The following CARS2 variants were observed in gnomAD, a reference collection of about 807,000 sequenced individuals.
CARS2 encodes the protein cysteinyl-tRNA synthetase 2, mitochondrial.
CARS2 carries 52 observed loss-of-function variants against 68.8 expected under a neutral mutation model. That is an observed-to-expected ratio of 0.76 (90% CI 0.61 to 0.95). CARS2 has a LOEUF of 0.95. Ranked by LOEUF, CARS2 falls within the 40% of genes least tolerant of loss-of-function variation. The pLI is 0.00. For missense variants in CARS2, 780 were observed against 754.2 expected (o/e 1.03, Z -0.40); for synonymous variants, 314 against 303.6 (o/e 1.03, Z -0.36).
chr13:110,708,451 A>G (rs921371937), upstream of CARS2, among the ~76,000 whole-genome samples: 1 of 152,280 alleles, frequency 6.6e-6, no homozygotes, highest in Admixed American at 6.5e-5. Context: ...GAATCTGGAC[A>G]TGCGGTATAT....
At position 110,705,361 on chromosome 13, in the gene CARS2, A is replaced by G. The variant is rs1426277127; in HGVS notation, c.275+160T>C. Among the ~76,000 whole-genome samples, 1 of 152,228 alleles carries G rather than the reference A, an allele frequency of 6.6e-6. No homozygotes were observed. The highest frequency in any genetic ancestry group is 2.4e-5 in the African/African-American group (1 of 41,460). On this transcript the variant is annotated intron_variant, in intron 2 of 14. Coordinates refer to ENST00000257347, the MANE Select transcript of CARS2 (RefSeq NM_024537.4). This position sits in a 1 kb window ranked among gnomAD's most constrained non-coding sequence, Gnocchi z 4.0. ...ACGGGTGTAAGTGCTCAGAATCCCTATAAGAACCAAATGAGGTTGTAACAT... is the reference window on the plus strand; with the variant it reads ...ACGGGTGTAAGTGCTCAGAATCCCTGTAAGAACCAAATGAGGTTGTAACAT...
chr13:110,708,095 C>T (rs1026261879), upstream of CARS2, among the ~76,000 whole-genome samples: 1 of 152,124 alleles, frequency 6.6e-6, no homozygotes, highest in Non-Finnish European at 1.5e-5. Flanking sequence ...TTAAATTGTA[C>T]ATTATTTTGA....
chr13:110,692,483 TTAA>T (rs1362434936), intron 3 of CARS2, among the ~76,000 whole-genome samples: 1 of 150,836 alleles, frequency 6.6e-6, no homozygotes, highest in Non-Finnish European at 1.5e-5. Flanking sequence ...AAAAAAAAAA[TTAA>T]TAAATAAAAG....
intron 13 of CARS2, chr13:110,642,764 G>T: frequency 2.7e-6 from 2 of 735,846 alleles, no homozygotes; most frequent in East Asian, 2.5e-5. Context: ...ATCCTCACTC[G>T]GGAGTTGGAA....
At chr13:110,688,228 A>G (rs1421943815) in intron 3 of CARS2, among the ~76,000 whole-genome samples, 2 of 151,778 alleles carry the variant, frequency 1.3e-5, no homozygotes, top group African/African-American at 4.9e-5. Context: ...CTAGAAAAAA[A>G]GGCTTATTGA....
At chr13:110,701,410 T>G in intron 3 of CARS2, 28 bp downstream of exon 3, 1 of 1,004,172 alleles carries the variant, frequency 1.0e-6, no homozygotes, top group Non-Finnish European at 1.6e-6. Flanking sequence ...AATGGCATTA[T>G]CAATAGATGT....
At chr13:110,703,082 T>A (rs949378028) in intron 2 of CARS2, among the ~76,000 whole-genome samples, 3 of 151,742 alleles carry the variant, frequency 2.0e-5, no homozygotes, top group African/African-American at 7.3e-5. Context: ...CCCCTGCTCC[T>A]CCCCCCTAGC....
In CARS2 at chr13:110,647,371, C is replaced by T. The variant is rs2296661; in HGVS notation, c.1055-132G>A. The T allele has an allele frequency of 0.065, 74,221 of 1,133,168 alleles. 3,125 individuals carry two copies. The highest frequency in any genetic ancestry group is 0.18 in the East Asian group (6,887 of 38,638). 70.2% of individuals were successfully genotyped at this position (1,133,168 alleles called of 1,614,324 possible). ...CGGAGAGCGGGACATGTGGCTCTCA[C>T]GCCCTCCAGTGACCGCGAGTCCCTA... On this transcript the variant is annotated intron_variant, in intron 10 of 14. Transcript: ENST00000257347.
Position 110,665,742 on chromosome 13 carries a change from C to G in CARS2, c.919+1598G>C. The G allele has an allele frequency of 1.0e-6, 1 of 985,366 alleles. No individual in the cohort carries two copies. Among genetic ancestry groups the G allele is most frequent in the African/African-American group, 1.7e-5 (1 of 57,326 alleles). 61.0% of individuals were successfully genotyped at this position (985,366 alleles called of 1,614,324 possible). A position where few individuals can be genotyped will look rare whatever the true frequency, so the allele number is the denominator to read the frequency against. ...TGAACTGAGCCCTGAACGAAGTCAA[C>G]GAGGAAGTGACTTCGGGGCAATCAG... On this transcript the variant is annotated intron_variant, in intron 8 of 14. Transcript: ENST00000257347. This position sits in a 1 kb window ranked among gnomAD's most constrained non-coding sequence, Gnocchi z 4.3.
At chr13:110,648,351 G>A (rs1888412775) in intron 10 of CARS2, 1 of 152,266 alleles carries the variant, frequency 6.6e-6, no homozygotes, top group African/African-American at 2.4e-5. Context: ...GCATCCAGAT[G>A]GGGAGGGGCA....
intron 13 of CARS2, chr13:110,642,977 G>A (rs948500212): frequency 5.5e-6 from 2 of 364,822 alleles, no homozygotes; most frequent in East Asian, 7.2e-5. Flanking sequence ...TGCGCAGAAG[G>A]CCTCGCGCTG....
intron 7 of CARS2, 22 bp from the exon 8 acceptor site, chr13:110,667,495 A>G (rs756367305): frequency 1.2e-6 from 2 of 1,603,224 alleles, no homozygotes; most frequent in East Asian, 2.2e-5. Flanking sequence ...AGTGCAAAGT[A>G]GTGAATTCAT....
chr13:110,666,930 T>C, intron 8 of CARS2: 1 of 985,458 alleles, frequency 1.0e-6, no homozygotes, highest in Non-Finnish European at 1.2e-6. Flanking sequence ...AGCAGACAGC[T>C]GGGGTTCATC....
At chr13:110,644,071 T>C (rs1172347701) in intron 13 of CARS2, 3 of 1,281,316 alleles carry the variant, frequency 2.3e-6, no homozygotes, top group Admixed American at 4.7e-5. Context: ...TTACTGTGCC[T>C]GTGACTTCTG....
At chr13:110,704,047 C>T (rs771979042) in intron 2 of CARS2, among the ~76,000 whole-genome samples, 69 of 152,202 alleles carry the variant, frequency 4.5e-4, no homozygotes, top group Admixed American at 1.2e-3. Context: ...TCAACAGACA[C>T]CAAATTTGCT....
intron 3 of CARS2, among the ~76,000 whole-genome samples, chr13:110,692,398 G>A (rs1055773292): frequency 6.6e-6 from 1 of 151,716 alleles, no homozygotes; most frequent in Non-Finnish European, 1.5e-5. Context: ...CTGAACCCGG[G>A]AGGCGGAGGT....
At position 110,676,092 on chromosome 13, in the gene CARS2, T is replaced by G. The variant is rs2062941173; in HGVS notation, c.785+882A>C. On this transcript the variant is annotated intron_variant, in intron 7 of 14. Coordinates refer to ENST00000257347, the MANE Select transcript of CARS2 (RefSeq NM_024537.4). The surrounding 1 kb of genome is among the most constrained non-coding windows in gnomAD (Gnocchi z 4.0). ...TCGCTTGAACCTGGGAGGCGGAGGTTGCGGTGAGCCGAGATCGCACCATTG... is the reference window on the plus strand; with the variant it reads ...TCGCTTGAACCTGGGAGGCGGAGGTGGCGGTGAGCCGAGATCGCACCATTG... Among the ~76,000 whole-genome samples the G allele has an allele frequency of 6.6e-6, 1 of 152,062 alleles. No individual in the cohort carries two copies. Among genetic ancestry groups the G allele is most frequent in the South Asian group, 2.1e-4 (1 of 4,824 alleles).
chr13:110,713,261 G>C (rs560975379), exon 1 of CARS2: 1 of 1,342,610 alleles, frequency 7.4e-7, no homozygotes. Context: ...CGGGGACGAA[G>C]AGTCAGGGGC....
At chr13:110,680,977 A>C (rs1261252868) in intron 6 of CARS2, among the ~76,000 whole-genome samples, 1 of 152,240 alleles carries the variant, frequency 6.6e-6, no homozygotes, top group Non-Finnish European at 1.5e-5. Context: ...CGGAGGACTC[A>C]GGTGCCTTCG....
Sources: allele counts gnomAD v4.1 joint callset (sites outside exome capture counted in the v4.1 genomes callset), GRCh38; gene constraint gnomAD v4.1.1; non-coding constraint Gnocchi (gnomAD v3.1); transcripts MANE v1.5; gene names NCBI Gene and HGNC (gene_info 2026-07-23, HGNC 2026-07-21).